GRID2: variants seen among roughly 807,000 people sequenced by gnomAD.
The protein encoded by GRID2 is glutamate ionotropic receptor delta type subunit 2, also known as glutamate receptor ionotropic, delta-2.
GRID2 carries 33 observed loss-of-function variants against 114.8 expected under a neutral mutation model. That is an observed-to-expected ratio of 0.29 (90% CI 0.22 to 0.38). GRID2 has a LOEUF of 0.38. GRID2 is among the 10% of genes least tolerant of loss of function. The pLI is 1.00. For missense variants in GRID2, 1,184 were observed against 1,257.7 expected (o/e 0.94, Z 0.89); for synonymous variants, 505 against 449.9 (o/e 1.12, Z -1.55).
intron 2 of GRID2, among the ~76,000 whole-genome samples, chr4:92,775,415 G>A (rs113282963): frequency 5.3e-5 from 8 of 152,284 alleles, no homozygotes; most frequent in African/African-American, 1.9e-4. Flanking sequence ...TTGAGTCTCA[G>A]ATCAGTCATC....
intron 14 of GRID2, among the ~76,000 whole-genome samples, chr4:93,656,852 AAAAAACAAAT>A (rs1723060961): frequency 6.7e-6 from 1 of 148,270 alleles, no homozygotes; most frequent in Non-Finnish European, 1.5e-5. Flanking sequence ...AAAAAAAAAA[AAAAAACAAAT>A]AATTCCAGCT....
chr4:93,759,470 A>G (rs910614213), intron 14 of GRID2, among the ~76,000 whole-genome samples: 5 of 152,348 alleles, frequency 3.3e-5, no homozygotes, highest in African/African-American at 1.2e-4. Context: ...TGTGCTTTTC[A>G]AAACAGTTAA....
chr4:93,046,001 T>C (rs775287600), intron 2 of GRID2, among the ~76,000 whole-genome samples: 1 of 152,126 alleles, frequency 6.6e-6, no homozygotes, highest in Non-Finnish European at 1.5e-5. Flanking sequence ...AAAAATGTTA[T>C]AATTGATAAG....
At chr4:93,153,055 T>C (rs1252299414) in intron 4 of GRID2, among the ~76,000 whole-genome samples, 2 of 152,080 alleles carry the variant, frequency 1.3e-5, no homozygotes, top group African/African-American at 4.8e-5. Flanking sequence ...AGGAAATAGA[T>C]CCCCAAAGTG....
At chr4:92,311,995 G>C (rs1415751204) in intron 1 of GRID2, among the ~76,000 whole-genome samples, 1 of 151,812 alleles carries the variant, frequency 6.6e-6, no homozygotes, top group Non-Finnish European at 1.5e-5. Flanking sequence ...GGGTGACAAA[G>C]TATGTTTTCA....
chr4:92,770,962 T>G (rs1397849228), intron 2 of GRID2, among the ~76,000 whole-genome samples: 5 of 152,126 alleles, frequency 3.3e-5, no homozygotes, highest in African/African-American at 1.2e-4. Context: ...AGAAGGTGTT[T>G]CTTAGAACAG....
chr4:92,533,823 A>G (rs1449227208), intron 1 of GRID2, among the ~76,000 whole-genome samples: 2 of 152,130 alleles, frequency 1.3e-5, no homozygotes, highest in African/African-American at 4.8e-5. Flanking sequence ...AAACTATAGT[A>G]ACACCACAAT....
chr4:93,783,865 G>A (rs1355173122), intron 1 of GRID2, among the ~76,000 whole-genome samples: 6 of 151,638 alleles, frequency 4.0e-5, no homozygotes, highest in African/African-American at 1.2e-4. Flanking sequence ...GAGGTCAGGA[G>A]ATCGAGACCA....
chr4:93,489,818 G>A (rs556006199), intron 11 of GRID2, among the ~76,000 whole-genome samples: 32 of 152,030 alleles, frequency 2.1e-4, no homozygotes, highest in African/African-American at 7.2e-4. Context: ...TAATTTGGGA[G>A]TAAAATAAAA....
intron 2 of GRID2, among the ~76,000 whole-genome samples, chr4:92,683,673 TAAAA>T (rs570322735): frequency 6.6e-6 from 1 of 151,086 alleles, no homozygotes; most frequent in Non-Finnish European, 1.5e-5. Flanking sequence ...TATTTTATAT[TAAAA>T]AAATACATCA....
At chr4:93,551,223 T>C (rs1733718133) in intron 13 of GRID2, among the ~76,000 whole-genome samples, 1 of 152,114 alleles carries the variant, frequency 6.6e-6, no homozygotes, top group Non-Finnish European at 1.5e-5. Context: ...AGAAATAATA[T>C]AACTCAACAT....
At chr4:92,692,834 C>A (rs570810757) in intron 2 of GRID2, among the ~76,000 whole-genome samples, 52 of 152,018 alleles carry the variant, frequency 3.4e-4, no homozygotes, top group Non-Finnish European at 4.9e-4. Context: ...ACCAGCCTGG[C>A]CAACATGGCG....
Position 92,559,611 on chromosome 4 carries a change from A to G in GRID2, c.89-30520A>G, listed in dbSNP as rs574699397. 1.3e-5 allele frequency among the ~76,000 whole-genome samples: 2 copies of G among 152,304 alleles called. 1 individual carries two copies. Among genetic ancestry groups the G allele is most frequent in the Non-Finnish European group, 2.9e-5 (2 of 68,018 alleles). ...CCACAGTCAAAGCAAGGTATGAGTC[A>G]AAGATATCAAACTTAGAGGGAAGAA... On this transcript the variant is annotated intron_variant, in intron 1 of 15. Coordinates refer to ENST00000282020, the MANE Select transcript of GRID2 (RefSeq NM_001510.4).
chr4:92,870,281 C>A (rs968478940), intron 2 of GRID2, among the ~76,000 whole-genome samples: 3 of 151,856 alleles, frequency 2.0e-5, no homozygotes, highest in African/African-American at 4.8e-5. Flanking sequence ...CACACACACA[C>A]ACACACACAC....
chr4:93,459,866 T>C (rs1438186469), intron 11 of GRID2, among the ~76,000 whole-genome samples: 2 of 152,208 alleles, frequency 1.3e-5, no homozygotes, highest in African/African-American at 4.8e-5. Flanking sequence ...TTCAGACTCA[T>C]GTTAGAAACT....
At chr4:93,143,116 G>T (rs570080161) in intron 4 of GRID2, among the ~76,000 whole-genome samples, 10 of 152,272 alleles carry the variant, frequency 6.6e-5, no homozygotes, top group Admixed American at 2.0e-4. Flanking sequence ...TCTGCCTTTT[G>T]CTGTAGAAGT....
intron 13 of GRID2, among the ~76,000 whole-genome samples, chr4:93,572,955 A>G (rs1361539449): frequency 1.3e-5 from 2 of 152,118 alleles, no homozygotes; most frequent in Non-Finnish European, 2.9e-5. Flanking sequence ...ACTGCGAAAT[A>G]TATAAGTAGT....
chr4:93,095,935 C>T (rs1055195480), intron 3 of GRID2, among the ~76,000 whole-genome samples: 15 of 151,870 alleles, frequency 9.9e-5, no homozygotes, highest in African/African-American at 3.4e-4. Context: ...CTTATATAGC[C>T]GCAACAATTG....
At chr4:93,698,022 G>T (rs755466273) in intron 14 of GRID2, among the ~76,000 whole-genome samples, 1 of 151,496 alleles carries the variant, frequency 6.6e-6, no homozygotes, top group South Asian at 2.1e-4. Context: ...AAAGTTTACG[G>T]GATATTTTTG....
Sources: gnomAD v4.1 joint callset for allele counts (sites outside exome capture counted in the v4.1 genomes callset) on GRCh38, gnomAD v4.1.1 for gene constraint, MANE v1.5 for transcripts, NCBI Gene and HGNC (gene_info 2026-07-23, HGNC 2026-07-21) for gene names.